Variants in NEGR1 observed in about 807,000 individuals in gnomAD.
NEGR1 encodes IgLON family member 4.
NEGR1 carries 10 observed loss-of-function variants against 40.9 expected under a neutral mutation model. That is an observed-to-expected ratio of 0.24 (90% confidence interval 0.15 to 0.42). The LOEUF (loss-of-function observed/expected upper bound fraction) is 0.42, where lower values mean the gene tolerates loss of function less well. NEGR1 is among the 10% of genes least tolerant of loss of function. The pLI is 1.00. For missense variants in NEGR1, 352 were observed against 438.9 expected (o/e 0.80, Z 1.77); for synonymous variants, 185 against 166.8 (o/e 1.11, Z -0.84).
intron 3 of NEGR1, among the ~76,000 whole-genome samples, chr1:71,768,481 G>A (rs1656206880): frequency 1.3e-5 from 2 of 152,088 alleles, no homozygotes; most frequent in South Asian, 4.1e-4. Flanking sequence ...TTTGGAATGG[G>A]AGTATTTACG....
intron 3 of NEGR1, among the ~76,000 whole-genome samples, chr1:71,749,349 A>G (rs1316243087): frequency 6.6e-6 from 1 of 152,162 alleles, no homozygotes; most frequent in Admixed American, 6.5e-5. Context: ...GTCTCTTAAT[A>G]TTTTCACTTA....
chr1:71,623,752 A>C (rs1198347396), intron 4 of NEGR1, among the ~76,000 whole-genome samples: 13 of 151,836 alleles, frequency 8.6e-5, no homozygotes, highest in Non-Finnish European at 2.9e-5. Flanking sequence ...AAAAACTGTA[A>C]TTTTCAGAAA....
chr1:71,980,817 C>T (rs1346952688), intron 1 of NEGR1, among the ~76,000 whole-genome samples: 1 of 152,166 alleles, frequency 6.6e-6, no homozygotes, highest in Non-Finnish European at 1.5e-5. Context: ...ACCATCTTTA[C>T]TGGAGTATCA....
At chr1:72,179,458 G>T (rs2100409841) in intron 1 of NEGR1, among the ~76,000 whole-genome samples, 1 of 152,172 alleles carries the variant, frequency 6.6e-6, no homozygotes, top group East Asian at 1.9e-4. Context: ...ATTAACTGAT[G>T]CAGGGTGGTA....
At chr1:72,021,515 C>G (rs1053386088) in intron 1 of NEGR1, among the ~76,000 whole-genome samples, 1 of 151,364 alleles carries the variant, frequency 6.6e-6, no homozygotes, top group Non-Finnish European at 1.5e-5. Context: ...GTTAATAAAT[C>G]GGAGATAAGT....
intron 3 of NEGR1, among the ~76,000 whole-genome samples, chr1:71,727,994 T>C (rs1015712185): frequency 1.3e-5 from 2 of 152,030 alleles, no homozygotes; most frequent in South Asian, 2.1e-4. Context: ...ATAACAAAGT[T>C]TGGCTAAGCA....
chr1:72,218,801 T>C (rs1653912506), intron 1 of NEGR1, among the ~76,000 whole-genome samples: 1 of 151,978 alleles, frequency 6.6e-6, no homozygotes, highest in Non-Finnish European at 1.5e-5. Flanking sequence ...GTTAAAAGAA[T>C]TTAAAATATA....
chr1:72,197,528 GT>G (rs1653042565), intron 1 of NEGR1, among the ~76,000 whole-genome samples: 1 of 151,976 alleles, frequency 6.6e-6, no homozygotes, highest in South Asian at 2.1e-4. Flanking sequence ...TTAAAAATGA[GT>G]TTTTAAAAGG....
chr1:71,599,274 A>T (rs1649841521), intron 5 of NEGR1, among the ~76,000 whole-genome samples: 1 of 152,228 alleles, frequency 6.6e-6, no homozygotes, highest in Admixed American at 6.5e-5. Context: ...CAGTTGGCAG[A>T]AAAATATTAA....
intron 4 of NEGR1, among the ~76,000 whole-genome samples, chr1:71,670,907 T>TACAC (rs144683930): frequency 1.2e-4 from 18 of 150,750 alleles, no homozygotes; most frequent in East Asian, 3.9e-4. Flanking sequence ...CACACACACA[T>TACAC]ACACACACAC....
chr1:71,417,145 C>T (rs946559767), intron 6 of NEGR1, among the ~76,000 whole-genome samples: 3 of 152,150 alleles, frequency 2.0e-5, no homozygotes, highest in East Asian at 1.9e-4. Context: ...CAGCTTTTGC[C>T]TATACTTCAT....
At chr1:72,175,474 C>G (rs1311578456) in intron 1 of NEGR1, among the ~76,000 whole-genome samples, 2 of 151,912 alleles carry the variant, frequency 1.3e-5, no homozygotes, top group Non-Finnish European at 2.9e-5. Context: ...ATGTGGTTTT[C>G]AAAAGTCACT....
At chr1:72,156,580 A>C (rs1367397441) in intron 1 of NEGR1, among the ~76,000 whole-genome samples, 1 of 152,150 alleles carries the variant, frequency 6.6e-6, no homozygotes, top group Non-Finnish European at 1.5e-5. Context: ...ATAAATGCAA[A>C]GTTACATCTG....
At chr1:71,499,415 T>C (rs1646985072) in intron 6 of NEGR1, among the ~76,000 whole-genome samples, 2 of 149,014 alleles carry the variant, frequency 1.3e-5, no homozygotes, top group Non-Finnish European at 3.0e-5. Flanking sequence ...CACATAGTTA[T>C]ATATATATGG....
In NEGR1 at chr1:72,197,961, C is replaced by T. The variant is rs138811099; in HGVS notation, c.176+84358G>A. On this transcript the variant is annotated intron_variant, in intron 1 of 6. Coordinates refer to ENST00000357731, the MANE Select transcript of NEGR1 (RefSeq NM_173808.3). ...TTTTTTGTTGTATGTGTCAAGGCCA[C>T]TGTATTGCACAACTCTGTCAGTTTT... 2.1e-3 allele frequency among the ~76,000 whole-genome samples: 319 copies of T among 151,054 alleles called. 3 individuals are homozygous for T. Among genetic ancestry groups the T allele is most frequent in the African/African-American group, 7.7e-3 (311 of 40,516 alleles).
intron 2 of NEGR1, among the ~76,000 whole-genome samples, chr1:71,854,617 C>T (rs1659705903): frequency 6.6e-6 from 1 of 152,026 alleles, no homozygotes; most frequent in Non-Finnish European, 1.5e-5. Context: ...AATTGACCCA[C>T]AGTTCCACAC....
intron 1 of NEGR1, among the ~76,000 whole-genome samples, chr1:72,185,176 T>C (rs951143141): frequency 6.6e-6 from 1 of 152,074 alleles, no homozygotes; most frequent in Admixed American, 6.6e-5. Context: ...TCCTCAATTA[T>C]TGCTATTATT....
chr1:71,753,844 CAGA>C (rs1158411912), intron 3 of NEGR1, among the ~76,000 whole-genome samples: 4 of 152,080 alleles, frequency 2.6e-5, no homozygotes, highest in Non-Finnish European at 5.9e-5. Context: ...GGCTGGAGAG[CAGA>C]AGAACACCTG....
intron 6 of NEGR1, among the ~76,000 whole-genome samples, chr1:71,514,406 GT>G (rs1393316966): frequency 2.0e-5 from 2 of 98,090 alleles, no homozygotes; most frequent in African/African-American, 8.7e-5. Flanking sequence ...CCTCAAGTGG[GT>G]CCCTGACCCC....
Sources: gnomAD v4.1 joint callset for allele counts (sites outside exome capture counted in the v4.1 genomes callset) on GRCh38, gnomAD v4.1.1 for gene constraint, MANE v1.5 for transcripts, NCBI Gene and HGNC (gene_info 2026-07-23, HGNC 2026-07-21) for gene names.